GTF2A1L: variants seen among roughly 807,000 people sequenced by gnomAD.
GTF2A1L encodes TFIIA-alpha and beta-like factor.
GTF2A1L carries 48 observed loss-of-function variants against 49.7 expected under a neutral mutation model. The ratio of observed to expected loss-of-function variants is 0.97; its 90% CI spans 0.77 to 1.23. GTF2A1L has a LOEUF of 1.23. Ranked by LOEUF, GTF2A1L falls within the 50% of genes most tolerant of loss-of-function variation. The probability of loss-of-function intolerance (pLI) is 0.00; values close to 1 mark genes in which losing one functional copy is unlikely to be tolerated. For missense variants in GTF2A1L, 736 were observed against 564.8 expected, an observed-to-expected ratio of 1.30 and a Z score of -3.07; for synonymous variants, 246 against 193.5, an observed-to-expected ratio of 1.27 and a Z score of -2.25.
At chr2:48,677,471 G>A (rs867070773) in intron 8 of GTF2A1L, among the ~76,000 whole-genome samples, 2 of 151,968 alleles carry the variant, frequency 1.3e-5, no homozygotes, top group Admixed American at 6.6e-5. Flanking sequence ...GAGTATGCCC[G>A]TGTGTTCAGG....
intron 6 of GTF2A1L, 84 bp downstream of exon 6, chr2:48,647,126 T>C (rs1204193450): frequency 1.7e-6 from 2 of 1,203,422 alleles, no homozygotes; most frequent in African/African-American, 3.1e-5. Flanking sequence ...CAAGCTGTAA[T>C]GTTAATCAGA....
chr2:48,653,579 G>T (rs1392579810), intron 6 of GTF2A1L, among the ~76,000 whole-genome samples: 1 of 152,138 alleles, frequency 6.6e-6, no homozygotes, highest in Non-Finnish European at 1.5e-5. Flanking sequence ...ATATTCCATT[G>T]TATGGTTATA....
At chr2:48,677,875 C>G (rs972387600) in intron 8 of GTF2A1L, among the ~76,000 whole-genome samples, 1 of 151,786 alleles carries the variant, frequency 6.6e-6, no homozygotes, top group African/African-American at 2.4e-5. Flanking sequence ...AGATTTTTGA[C>G]TTGAGCTCTT....
chr2:48,645,269 A>G, intron 5 of GTF2A1L, 152 bp downstream of exon 5: 1 of 757,458 alleles, frequency 1.3e-6, no homozygotes, highest in East Asian at 2.9e-5. Flanking sequence ...GGTGGTTTTG[A>G]TTGTTATAGA....
chr2:48,669,936 C>A lies in GTF2A1L; in HGVS notation c.1193C>A (p.Thr398Lys). ...ADSISNEDSA[T>K]NSSDNEDPQV... ...AGTATTTCAAATGAGGATTCAGCCA[C>A]AAACAGTAGTGATAATGAAGACCCT... Residue 398 changes from threonine (T) to lysine (K), a missense_variant, in exon 7 of 9, where the codon ACA becomes AAA. Thr to Lys is a moderately conservative substitution (Grantham distance 78, BLOSUM62 -1). Coordinates refer to ENST00000403751, the MANE Select transcript of GTF2A1L (RefSeq NM_006872.5). 33 of 1,613,988 alleles carry A rather than the reference C, an allele frequency of 2.0e-5. No homozygotes were observed. Among genetic ancestry groups the A allele is most frequent in the Non-Finnish European group, 2.8e-5 (33 of 1,180,000 alleles).
Position 48,651,696 on chromosome 2 carries a change from G to C in GTF2A1L, c.978+4654G>C, listed in dbSNP as rs189505972. Among the ~76,000 whole-genome samples the C allele has an allele frequency of 1.9e-3, 287 of 152,210 alleles. 1 individual carries two copies. Among genetic ancestry groups the C allele is most frequent in the African/African-American group, 6.7e-3 (277 of 41,536 alleles). ...ATTAGAGCCACGGTTTTGAATTATT[G>C]TGTTTCCCAAGACATTTATCAAAAA... On this transcript the variant is annotated intron_variant, in intron 6 of 8. Transcript: ENST00000403751.
At chr2:48,631,896 G>C (rs1397477891) in intron 3 of GTF2A1L, among the ~76,000 whole-genome samples, 2 of 152,046 alleles carry the variant, frequency 1.3e-5, no homozygotes, top group African/African-American at 2.4e-5. Flanking sequence ...TTTGATTTCT[G>C]CCTTAACTTT....
chr2:48,666,395 G>A (rs1380122710), intron 6 of GTF2A1L, among the ~76,000 whole-genome samples: 2 of 151,986 alleles, frequency 1.3e-5, no homozygotes, highest in Non-Finnish European at 2.9e-5. Flanking sequence ...ATTTTTAGTA[G>A]AGATGGGGTT....
chr2:48,665,035 C>T (rs1678736714), intron 6 of GTF2A1L, among the ~76,000 whole-genome samples: 1 of 152,074 alleles, frequency 6.6e-6, no homozygotes, highest in Admixed American at 6.5e-5. Flanking sequence ...GATTCTCGTG[C>T]CTCAGCCTCC....
At chr2:48,643,752 T>G (rs961630785) in intron 4 of GTF2A1L, among the ~76,000 whole-genome samples, 3 of 144,454 alleles carry the variant, frequency 2.1e-5, no homozygotes, top group Non-Finnish European at 4.5e-5. Context: ...AAGTCTGGAG[T>G]GCGGTGGCAT....
chr2:48,678,453 A>G (rs973465014), intron 8 of GTF2A1L, among the ~76,000 whole-genome samples: 4 of 152,048 alleles, frequency 2.6e-5, no homozygotes, highest in African/African-American at 7.2e-5. Context: ...GCATCTGAAT[A>G]CCAGTCACAG....
Position 48,642,750 on chromosome 2 carries a change from G to A in GTF2A1L, c.303+293G>A, listed in dbSNP as rs1348200034. Among the ~76,000 whole-genome samples the A allele has an allele frequency of 3.9e-5, 6 of 152,076 alleles. No individual in the cohort carries two copies. The East Asian group carries it at 1.2e-3, about 29-fold the overall frequency. Reference sequence around the variant, plus strand: ...GGCGCCTAGTAATCCCAGCTACTCAGGAGGCTGAGGCAGGAGAATCTCTTG... The same window carrying A: ...GGCGCCTAGTAATCCCAGCTACTCAAGAGGCTGAGGCAGGAGAATCTCTTG... On this transcript the variant is annotated intron_variant, in intron 4 of 8. Transcript: ENST00000403751.
At chr2:48,674,356 C>T (rs145656539) in intron 8 of GTF2A1L, among the ~76,000 whole-genome samples, 11 of 151,720 alleles carry the variant, frequency 7.3e-5, no homozygotes, top group African/African-American at 2.7e-4. Context: ...ATAACTAATG[C>T]GTATTTACAT....
intron 8 of GTF2A1L, among the ~76,000 whole-genome samples, chr2:48,677,675 G>A (rs928555148): frequency 2.6e-5 from 4 of 151,908 alleles, no homozygotes; most frequent in Middle Eastern, 3.2e-3. Flanking sequence ...AGGGAACAAG[G>A]GTAAAAACAG....
intron 3 of GTF2A1L, among the ~76,000 whole-genome samples, chr2:48,624,916 G>C (rs1039969994): frequency 6.9e-6 from 1 of 143,894 alleles, no homozygotes; most frequent in African/African-American, 2.5e-5. Context: ...TCCTCTGTGT[G>C]TGTGTGTATA....
intron 8 of GTF2A1L, among the ~76,000 whole-genome samples, chr2:48,674,488 T>C (rs1679356298): frequency 6.6e-6 from 1 of 152,170 alleles, no homozygotes; most frequent in South Asian, 2.1e-4. Context: ...TTCTCCACTA[T>C]AACATTTTAT....
At chr2:48,663,268 T>TA (rs1271909256) in intron 6 of GTF2A1L, among the ~76,000 whole-genome samples, 1 of 151,902 alleles carries the variant, frequency 6.6e-6, no homozygotes, top group East Asian at 1.9e-4. Flanking sequence ...ACCCCATCAA[T>TA]ATAAAAAATA....
intron 6 of GTF2A1L, among the ~76,000 whole-genome samples, chr2:48,657,092 A>G (rs80268841): frequency 0.096 from 14,556 of 152,040 alleles, 986 homozygotes; most frequent in East Asian, 0.27. Flanking sequence ...TTTAATTTTT[A>G]TTATTTATCG....
At chr2:48,637,498 A>C (rs892062455) in intron 3 of GTF2A1L, among the ~76,000 whole-genome samples, 1 of 152,194 alleles carries the variant, frequency 6.6e-6, no homozygotes, top group Non-Finnish European at 1.5e-5. Context: ...AATTCATAGC[A>C]CTAAATGCCC....
Sources: allele counts gnomAD v4.1 joint callset (sites outside exome capture counted in the v4.1 genomes callset), GRCh38; gene constraint gnomAD v4.1.1; transcripts MANE v1.5; gene names NCBI Gene and HGNC (gene_info 2026-07-23, HGNC 2026-07-21).